EPHA3: variants seen among roughly 807,000 people sequenced by gnomAD.
EPHA3 encodes the protein EPH receptor A3.
Under a neutral mutation model 107.1 loss-of-function variants are expected in EPHA3, and 42 were observed. The ratio of observed to expected loss-of-function variants is 0.39; its 90% CI spans 0.31 to 0.51. The LOEUF (loss-of-function observed/expected upper bound fraction) is 0.51. EPHA3 is among the 20% of genes least tolerant of loss of function. The pLI, the probability that EPHA3 is intolerant of heterozygous loss-of-function variation, is 0.78. For missense variants in EPHA3, 1,183 were observed against 1,211.2 expected (o/e 0.98, Z 0.35); for synonymous variants, 461 against 424.8 (o/e 1.09, Z -1.05).
intron 2 of EPHA3, among the ~76,000 whole-genome samples, chr3:89,129,535 C>T (rs772833942): frequency 1.3e-4 from 20 of 150,352 alleles, no homozygotes; most frequent in Non-Finnish European, 2.4e-4. Context: ...TTTAAATTTC[C>T]CACATATAAA....
At chr3:89,263,068 T>G (rs1174089392) in intron 3 of EPHA3, among the ~76,000 whole-genome samples, 3 of 150,908 alleles carry the variant, frequency 2.0e-5, no homozygotes, top group African/African-American at 4.9e-5. Flanking sequence ...CATGGTGGTT[T>G]GCTGCACCCA....
intron 3 of EPHA3, among the ~76,000 whole-genome samples, chr3:89,295,958 G>A (rs1461823660): frequency 6.6e-6 from 1 of 152,134 alleles, no homozygotes; most frequent in Non-Finnish European, 1.5e-5. Context: ...AAGGAATAAT[G>A]TTCTTTGCTC....
At chr3:89,472,810 C>T (rs62275026) in intron 16 of EPHA3, among the ~76,000 whole-genome samples, 191 bp downstream of exon 16, 2 of 152,148 alleles carry the variant, frequency 1.3e-5, no homozygotes, top group Non-Finnish European at 2.9e-5. Flanking sequence ...TGGATTGATA[C>T]ATATTGATGT....
intron 5 of EPHA3, among the ~76,000 whole-genome samples, chr3:89,374,605 G>A (rs1399699451): frequency 6.6e-6 from 1 of 151,718 alleles, no homozygotes; most frequent in Non-Finnish European, 1.5e-5. Context: ...AAGAACTTGA[G>A]GTTCAACAGA....
chr3:89,349,835 T>C (rs1428411543), intron 5 of EPHA3, among the ~76,000 whole-genome samples: 2 of 147,990 alleles, frequency 1.4e-5, no homozygotes, highest in Non-Finnish European at 3.0e-5. Context: ...CTCTCAGCAT[T>C]TGCTTGTCTG....
At chr3:89,122,860 G>T (rs181264897) in intron 1 of EPHA3, among the ~76,000 whole-genome samples, 1 of 152,296 alleles carries the variant, frequency 6.6e-6, no homozygotes, top group East Asian at 1.9e-4. Flanking sequence ...AAGAAGAAAA[G>T]ACTATGTAAA....
At chr3:89,371,697 T>C (rs1461609789) in intron 5 of EPHA3, among the ~76,000 whole-genome samples, 1 of 151,276 alleles carries the variant, frequency 6.6e-6, no homozygotes, top group Non-Finnish European at 1.5e-5. Context: ...ACTTGGTTTA[T>C]TGTACAAGGC....
intron 16 of EPHA3, among the ~76,000 whole-genome samples, chr3:89,473,863 G>A (rs1710455812): frequency 6.6e-6 from 1 of 152,112 alleles, no homozygotes; most frequent in African/African-American, 2.4e-5. Flanking sequence ...GTGTATACTG[G>A]ATAGATACAC....
chr3:89,390,036 G>A lies in EPHA3; in HGVS notation c.1307-5801G>A, dbSNP rs535040636. On this transcript the variant is annotated intron_variant, in intron 5 of 16. Transcript: ENST00000336596. ...AGACTGAGTCTCACTCTGTCGCCCT[G>A]ACTGAAGTGTGGTGGTGTCATCTTG... 3.0e-3 allele frequency among the ~76,000 whole-genome samples: 449 copies of A among 152,054 alleles called. 2 individuals are homozygous for A. Among genetic ancestry groups the A allele is most frequent in the African/African-American group, 0.011 (438 of 41,418 alleles).
chr3:89,344,646 C>A (rs1707601882), intron 5 of EPHA3, among the ~76,000 whole-genome samples: 1 of 152,206 alleles, frequency 6.6e-6, no homozygotes, highest in African/African-American at 2.4e-5. Context: ...AGCTCCCTAC[C>A]ACTGGAAGGA....
At chr3:89,476,407 C>T (rs1283524959) in intron 16 of EPHA3, among the ~76,000 whole-genome samples, 3 of 148,220 alleles carry the variant, frequency 2.0e-5, no homozygotes, top group African/African-American at 4.9e-5. Context: ...GGGATGAGTG[C>T]TTCAGTTCAG....
intron 6 of EPHA3, among the ~76,000 whole-genome samples, chr3:89,398,958 C>T (rs1317435636): frequency 6.6e-6 from 1 of 151,924 alleles, no homozygotes; most frequent in African/African-American, 2.4e-5. Flanking sequence ...GGTGAAACCT[C>T]GTCTCTACTA....
intron 2 of EPHA3, among the ~76,000 whole-genome samples, chr3:89,147,110 T>C (rs921070715): frequency 6.6e-6 from 1 of 151,804 alleles, no homozygotes; most frequent in Non-Finnish European, 1.5e-5. Flanking sequence ...CCACATGTTA[T>C]CATTCATAAG....
intron 3 of EPHA3, among the ~76,000 whole-genome samples, chr3:89,253,288 A>G (rs1339713729): frequency 1.3e-5 from 2 of 152,094 alleles, no homozygotes; most frequent in Non-Finnish European, 2.9e-5. Context: ...GATGAATACA[A>G]TATGTTTATA....
intron 15 of EPHA3, among the ~76,000 whole-genome samples, chr3:89,450,899 C>A (rs879649800): frequency 4.9e-4 from 75 of 152,128 alleles, no homozygotes; most frequent in Non-Finnish European, 1.9e-4. Flanking sequence ...GAGCGAGACT[C>A]TCTCTCTAAA....
chr3:89,160,665 A>C (rs1704914961), intron 2 of EPHA3, among the ~76,000 whole-genome samples: 1 of 150,704 alleles, frequency 6.6e-6, no homozygotes, highest in East Asian at 2.0e-4. Flanking sequence ...GTATCTTTTT[A>C]ATTGTCAGCC....
At chr3:89,393,789 T>TAA (rs200696508) in intron 5 of EPHA3, among the ~76,000 whole-genome samples, 422 of 151,258 alleles carry the variant, frequency 2.8e-3, no homozygotes, top group African/African-American at 9.9e-3. Flanking sequence ...AAATTTTTTT[T>TAA]TAAAAAATCC....
At chr3:89,402,533 T>A (rs1708984620) in intron 7 of EPHA3, among the ~76,000 whole-genome samples, 3 of 152,112 alleles carry the variant, frequency 2.0e-5, no homozygotes, top group Non-Finnish European at 2.9e-5. Context: ...CTCTCCCTAT[T>A]GTTTTTATTA....
chr3:89,282,269 GA>G (rs1479889486), intron 3 of EPHA3, among the ~76,000 whole-genome samples: 1 of 152,092 alleles, frequency 6.6e-6, no homozygotes, highest in Non-Finnish European at 1.5e-5. Flanking sequence ...AGGTCACTGA[GA>G]AGTGACATTT....
Sources: gnomAD v4.1 joint callset for allele counts (sites outside exome capture counted in the v4.1 genomes callset) on GRCh38, gnomAD v4.1.1 for gene constraint, MANE v1.5 for transcripts, NCBI Gene and HGNC (gene_info 2026-07-23, HGNC 2026-07-21) for gene names.